The following SEC22C variants were observed in gnomAD, a reference collection of about 807,000 sequenced individuals.
SEC22C encodes the protein SEC22 homolog C, vesicle trafficking protein.
A neutral mutation model predicts 34.7 loss-of-function variants in SEC22C; 29 were observed. That is an observed-to-expected ratio of 0.84 (90% CI 0.62 to 1.14). The LOEUF is 1.14. SEC22C is among the 50% of genes most tolerant of loss of function. The probability of loss-of-function intolerance (pLI) is 0.00; values close to 1 mark genes in which losing one functional copy is unlikely to be tolerated. For missense variants in SEC22C, 337 were observed against 369.0 expected (o/e 0.91, Z 0.71); for synonymous variants, 117 against 132.8 (o/e 0.88, Z 0.82).
chr3:42,600,737 T>C (rs954993939), intron 1 of SEC22C: 1 of 322,696 alleles, frequency 3.1e-6, no homozygotes, highest in Non-Finnish European at 5.7e-6. Context: ...CAGTGCTTTC[T>C]CTTCTGCTCA....
chr3:42,548,727 GGAA>G lies in SEC22C; in HGVS notation c.*4518_*4520del, dbSNP rs1420019294. The G allele has an allele frequency of 1.2e-6, 2 of 1,609,090 alleles. No individual in the cohort carries two copies. The highest frequency in any genetic ancestry group is 2.7e-5 in the African/African-American group (2 of 74,904). ...GGGAGTGAAAGGCAGGTCCAGGGTG[GGAA>G]GAAGAGGGGCTGCTACCTTTTGGAG... On this transcript the variant is annotated 3_prime_UTR_variant, in exon 7 of 7. Transcript: ENST00000264454.
chr3:42,583,226 T>C (rs1354759880), upstream of SEC22C, among the ~76,000 whole-genome samples: 4 of 152,198 alleles, frequency 2.6e-5, no homozygotes, highest in African/African-American at 9.7e-5. Context: ...AACAGAGCTA[T>C]GGTGGGACTG....
At position 42,553,243 on chromosome 3, in the gene SEC22C, C is replaced by T. The variant is rs763486869; in HGVS notation, c.*5G>A. 5 of 1,613,906 alleles carry T rather than the reference C, an allele frequency of 3.1e-6. No homozygotes were observed. On this transcript the variant is annotated 3_prime_UTR_variant, in exon 7 of 7. Transcript: ENST00000264454. The stretch of plus-strand genomic sequence containing the variant: ...TCAAAGAATCCATTCATCACAGTGT[C>T]ATCCTCATACTCCACAGTCAGACTG...
In SEC22C at chr3:42,551,263, T is replaced by G; in HGVS notation, c.*1985A>C. 1 of 985,450 alleles carries G rather than the reference T, an allele frequency of 1.0e-6. No homozygotes were observed. The allele number at this position is 985,450 out of a possible 1,614,324, so 61.0% of individuals were successfully genotyped here. On this transcript the variant is annotated 3_prime_UTR_variant, in exon 7 of 7. Coordinates refer to ENST00000264454, the MANE Select transcript of SEC22C (RefSeq NM_032970.4). ...AAACTGAAAATTCACCTGCTGGGTA[T>G]GCAGAAAATTATGCAGATGTGAAAT...
chr3:42,577,852 C>T (rs1318602117), intron 1 of SEC22C, among the ~76,000 whole-genome samples: 2 of 152,106 alleles, frequency 1.3e-5, no homozygotes, highest in Non-Finnish European at 2.9e-5. Flanking sequence ...CACCTATAAT[C>T]CCAGCTACTT....
At chr3:42,571,741 T>C (rs1703641106) in intron 1 of SEC22C, among the ~76,000 whole-genome samples, 1 of 152,252 alleles carries the variant, frequency 6.6e-6, no homozygotes, top group East Asian at 1.9e-4. Flanking sequence ...AATGAACTTC[T>C]GCTTCTGGAA....
Position 42,552,872 on chromosome 3 carries a change from G to A in SEC22C, c.*376C>T. The A allele has an allele frequency of 9.7e-7, 1 of 1,033,082 alleles. No individual in the cohort carries two copies. The highest frequency in any genetic ancestry group is 1.2e-6 in the Non-Finnish European group (1 of 860,806). The allele number at this position is 1,033,082 out of a possible 1,614,324, so 64.0% of individuals were successfully genotyped here. A position where few individuals can be genotyped will look rare whatever the true frequency, so the allele number is the denominator to read the frequency against. On this transcript the variant is annotated 3_prime_UTR_variant, in exon 7 of 7. Coordinates refer to ENST00000264454, the MANE Select transcript of SEC22C (RefSeq NM_032970.4). ...GATTTGGATTTTAAAGTGGTTCCTT[G>A]GAGACAACTCTCAATGACTAAAACC...
chr3:42,595,917 T>TA (rs1024559807), intron 1 of SEC22C, among the ~76,000 whole-genome samples: 1 of 152,258 alleles, frequency 6.6e-6, no homozygotes, highest in African/African-American at 2.4e-5. Flanking sequence ...GAGACTGAGA[T>TA]AACGTGGTTG....
In SEC22C at chr3:42,596,053, C is replaced by T. The variant is rs9812673; in HGVS notation, c.-28+4907G>A. The stretch of plus-strand genomic sequence containing the variant: ...TTTTTGTTTTTGTTTTTTTTTGAGA[C>T]GGAATCTCGCTCTGTCGGAGTGCAG... On this transcript the variant is annotated intron_variant, in intron 1 of 6. Coordinates refer to the SEC22C transcript ENST00000417572. Among the ~76,000 whole-genome samples, 954 of 151,090 alleles carry T rather than the reference C, an allele frequency of 6.3e-3. 8 individuals carry two copies. The highest frequency in any genetic ancestry group is 0.022 in the African/African-American group (906 of 41,174).
At chr3:42,586,503 G>A (rs1704613621), upstream of SEC22C, among the ~76,000 whole-genome samples, 1 of 151,696 alleles carries the variant, frequency 6.6e-6, no homozygotes, top group Admixed American at 6.6e-5. Flanking sequence ...CATTACAGGT[G>A]TGAGCCACTG....
In SEC22C at chr3:42,568,994, A is replaced by AG; in HGVS notation, c.52dup (p.Leu18ProfsTer6). ...GTGGTAAAAATCAGTAGAGGCTGAG[A>AG]GGGGCAGTCCATCCCTTACCCGTAC... is the stretch of plus-strand genomic sequence containing the variant. On this transcript the variant is annotated frameshift_variant, in exon 2 of 7. Transcript: ENST00000264454. LOFTEE classifies it high-confidence loss of function. 3 of 1,614,124 alleles carry AG rather than the reference A, an allele frequency of 1.9e-6. No homozygotes were observed. Among genetic ancestry groups the AG allele is most frequent in the Non-Finnish European group, 2.5e-6 (3 of 1,180,034 alleles).
At chr3:42,567,584 A>T (rs1010288358) in intron 2 of SEC22C, among the ~76,000 whole-genome samples, 6 of 152,228 alleles carry the variant, frequency 3.9e-5, no homozygotes, top group Non-Finnish European at 5.9e-5. Context: ...GCATATAGAA[A>T]ACACTCAATA....
chr3:42,584,024 G>C (rs1295524173), upstream of SEC22C, among the ~76,000 whole-genome samples: 2 of 152,180 alleles, frequency 1.3e-5, no homozygotes, highest in African/African-American at 2.4e-5. Flanking sequence ...CAGTCTACCA[G>C]CCTCCCTGGT....
intron 1 of SEC22C, among the ~76,000 whole-genome samples, chr3:42,588,918 C>G (rs1477144799): frequency 6.6e-6 from 1 of 152,022 alleles, no homozygotes; most frequent in Non-Finnish European, 1.5e-5. Context: ...CTGAGTCCGC[C>G]CCAGCTCAGG....
At chr3:42,599,681 G>C (rs927105167) in intron 1 of SEC22C, among the ~76,000 whole-genome samples, 2 of 149,266 alleles carry the variant, frequency 1.3e-5, no homozygotes, top group African/African-American at 4.9e-5. Flanking sequence ...GACAGAGCGA[G>C]ACTCCGTCTC....
intron 2 of SEC22C, chr3:42,564,048 A>G: frequency 1.2e-6 from 1 of 811,296 alleles, no homozygotes; most frequent in South Asian, 1.8e-5. Flanking sequence ...TGATCCTGGC[A>G]TCCTAAAATA....
At chr3:42,586,205 C>T (rs1299201237), upstream of SEC22C, among the ~76,000 whole-genome samples, 1 of 152,058 alleles carries the variant, frequency 6.6e-6, no homozygotes, top group African/African-American at 2.4e-5. Context: ...CCTCAAAGAC[C>T]TAGTCTTTAT....
In SEC22C at chr3:42,549,154, C is replaced by T. The variant is rs917757626; in HGVS notation, c.*4094G>A. On this transcript the variant is annotated 3_prime_UTR_variant, in exon 7 of 7. Coordinates refer to ENST00000264454, the MANE Select transcript of SEC22C (RefSeq NM_032970.4). ...TCCACCATTATTAACACTCACAGGGCACAGGTAGAGCGTCCCCAGACCTGT... is the reference window on the plus strand; with the variant it reads ...TCCACCATTATTAACACTCACAGGGTACAGGTAGAGCGTCCCCAGACCTGT... 6.0e-6 allele frequency: 6 copies of T among 992,172 alleles called. No homozygotes were observed. In the Admixed American group the frequency reaches 3.4e-4, roughly 56 times the overall value. The allele number at this position is 992,172 out of a possible 1,614,324, so 61.5% of individuals were successfully genotyped here. A position where few individuals can be genotyped will look rare whatever the true frequency, so the allele number is the denominator to read the frequency against.
chr3:42,573,755 G>A (rs759661484), intron 1 of SEC22C, among the ~76,000 whole-genome samples: 14 of 152,232 alleles, frequency 9.2e-5, no homozygotes, highest in Non-Finnish European at 1.5e-4. Flanking sequence ...GGAGAAGAAT[G>A]AATGAGTAAA....
Sources: allele counts gnomAD v4.1 joint callset (sites outside exome capture counted in the v4.1 genomes callset), GRCh38; gene constraint gnomAD v4.1.1; transcripts MANE v1.5; gene names NCBI Gene and HGNC (gene_info 2026-07-23, HGNC 2026-07-21).